OR51B5: variants seen among roughly 807,000 people sequenced by gnomAD.
OR51B5 encodes olfactory receptor family 51 subfamily B member 5.
For synonymous variants in OR51B5, 186 were observed against 144.8 expected (o/e 1.28, Z -2.04); for missense variants, 456 against 374.6 (o/e 1.22, Z -1.79).
intron 1 of OR51B5, among the ~76,000 whole-genome samples, chr11:5,501,574 C>T (rs1462647642): frequency 6.8e-6 from 1 of 147,600 alleles, no homozygotes; most frequent in Non-Finnish European, 1.5e-5. Context: ...TTCTCTTCTC[C>T]TTCTAGAACA....
At chr11:5,365,961 T>G (rs1849358292) in intron 1 of OR51B5, among the ~76,000 whole-genome samples, 1 of 152,110 alleles carries the variant, frequency 6.6e-6, no homozygotes, top group Non-Finnish European at 1.5e-5. Flanking sequence ...TCACCAGCAC[T>G]GAGAACCACA....
chr11:5,439,280 C>A (rs1162007532), intron 1 of OR51B5, among the ~76,000 whole-genome samples: 1 of 152,064 alleles, frequency 6.6e-6, no homozygotes, highest in Non-Finnish European at 1.5e-5. Flanking sequence ...GTATCAAATT[C>A]TCCTCTGAAG....
At chr11:5,472,602 A>C (rs559228358) in intron 1 of OR51B5, among the ~76,000 whole-genome samples, 1 of 152,204 alleles carries the variant, frequency 6.6e-6, no homozygotes, top group Admixed American at 6.5e-5. Context: ...AAAAATCTTG[A>C]GTGAAGGACT....
Position 5,493,767 on chromosome 11 carries a change from C to T in OR51B5, n.84+11802G>A, listed in dbSNP as rs111290846. On this transcript the variant is annotated intron_variant and non_coding_transcript_variant, in intron 1 of 4. Transcript: ENST00000415970. ...CTTAGGTTTAAACCATTAATTGCTA[C>T]CATATACTTAACTTTTCTGATTCTA... Among the ~76,000 whole-genome samples, 156 of 152,142 alleles carry T rather than the reference C, an allele frequency of 1.0e-3. 1 individual carries two copies. The highest frequency in any genetic ancestry group is 3.6e-3 in the African/African-American group (148 of 41,506).
chr11:5,465,239 A>T, intron 1 of OR51B5, among the ~76,000 whole-genome samples: 1 of 137,622 alleles, frequency 7.3e-6, no homozygotes, highest in Admixed American at 7.4e-5. Flanking sequence ...AAGTGTTCCT[A>T]TTTCTCCACA....
At chr11:5,369,321 A>C (rs1440300867) in intron 1 of OR51B5, among the ~76,000 whole-genome samples, 2 of 152,156 alleles carry the variant, frequency 1.3e-5, no homozygotes, top group Non-Finnish European at 2.9e-5. Flanking sequence ...ATATTAATTA[A>C]AGTTATTATT....
intron 1 of OR51B5, among the ~76,000 whole-genome samples, chr11:5,437,908 C>T (rs1017457524): frequency 6.6e-6 from 1 of 152,078 alleles, no homozygotes; most frequent in Non-Finnish European, 1.5e-5. Context: ...TCAAGTGGTG[C>T]GATGGTTCAG....
At chr11:5,413,898 G>C (rs1396341611) in intron 1 of OR51B5, among the ~76,000 whole-genome samples, 1 of 150,582 alleles carries the variant, frequency 6.6e-6, no homozygotes, top group African/African-American at 2.4e-5. Flanking sequence ...ATCTAGCAGG[G>C]CAGGCAAACA....
chr11:5,427,019 C>T (rs909795302), intron 1 of OR51B5, among the ~76,000 whole-genome samples: 42 of 152,166 alleles, frequency 2.8e-4, no homozygotes, highest in African/African-American at 9.9e-4. Flanking sequence ...AGTTCCACTA[C>T]TCACCTTCCC....
chr11:5,377,793 T>C (rs1211361970), intron 1 of OR51B5, among the ~76,000 whole-genome samples: 1 of 151,160 alleles, frequency 6.6e-6, no homozygotes, highest in Non-Finnish European at 1.5e-5. Context: ...TACAAACCAC[T>C]GCTCAATGAA....
At chr11:5,471,228 C>G (rs1590016385) in intron 1 of OR51B5, among the ~76,000 whole-genome samples, 1 of 152,168 alleles carries the variant, frequency 6.6e-6, no homozygotes, top group Non-Finnish European at 1.5e-5. Context: ...TTATAACTCC[C>G]TGTAACTGTC....
intron 1 of OR51B5, among the ~76,000 whole-genome samples, chr11:5,466,668 G>A (rs1001237312): frequency 1.3e-5 from 2 of 152,218 alleles, no homozygotes; most frequent in Non-Finnish European, 2.9e-5. Flanking sequence ...ATATAAGTAA[G>A]TATAGCTTTC....
chr11:5,453,352 T>A (rs932804784), intron 1 of OR51B5: 2 of 533,350 alleles, frequency 3.7e-6, no homozygotes, highest in African/African-American at 1.9e-5. Context: ...ATTTCATGAA[T>A]GCGTCAGTTT....
chr11:5,397,901 G>A (rs981561926), intron 1 of OR51B5, among the ~76,000 whole-genome samples: 25 of 150,910 alleles, frequency 1.7e-4, no homozygotes, highest in African/African-American at 5.7e-4. Flanking sequence ...GTCCTTTGTA[G>A]GGACATGGAT....
At chr11:5,399,541 G>A (rs1713988025) in intron 1 of OR51B5, among the ~76,000 whole-genome samples, 1 of 152,024 alleles carries the variant, frequency 6.6e-6, no homozygotes, top group Non-Finnish European at 1.5e-5. Context: ...CCAGCTCCAG[G>A]GGTACAGTCA....
At chr11:5,343,513 G>T in exon 1 of OR51B5, 1 of 929,648 alleles carries the variant, frequency 1.1e-6, no homozygotes, top group Non-Finnish European at 1.7e-6. Context: ...GGGAGCTGCC[G>T]CTGGACGACA....
intron 1 of OR51B5, among the ~76,000 whole-genome samples, chr11:5,378,948 C>A (rs1051300213): frequency 6.6e-6 from 1 of 151,166 alleles, no homozygotes; most frequent in African/African-American, 2.4e-5. Context: ...TTGACCCAGC[C>A]ATCCCATTAC....
At chr11:5,342,523 T>C, downstream of OR51B5, 3 of 1,514,856 alleles carry the variant, frequency 2.0e-6, no homozygotes, top group Non-Finnish European at 2.6e-6. Flanking sequence ...ATGAGACTTC[T>C]TTGCTCTCCT....
At chr11:5,422,456 C>T in intron 1 of OR51B5, 1 of 1,614,204 alleles carries the variant, frequency 6.2e-7, no homozygotes, top group Non-Finnish European at 8.5e-7. Flanking sequence ...AGTCATGCAG[C>T]TTCTCTGGTT....
Sources: allele counts gnomAD v4.1 joint callset (sites outside exome capture counted in the v4.1 genomes callset), GRCh38; gene constraint gnomAD v4.1.1; transcripts MANE v1.5; gene names NCBI Gene and HGNC (gene_info 2026-07-23, HGNC 2026-07-21).